Variants in MAG observed in about 807,000 individuals in gnomAD.
MAG encodes the protein myelin-associated glycoprotein.
MAG carries 30 observed loss-of-function variants against 60.7 expected under a neutral mutation model. The observed-to-expected ratio is 0.49, with a 90% CI of 0.37 to 0.67. The LOEUF is 0.67. Among genes scored for constraint, MAG ranks in the 30% least tolerant of loss-of-function variants. The probability of loss-of-function intolerance (pLI) is 0.00; values close to 1 mark genes in which losing one functional copy is unlikely to be tolerated. For missense variants in MAG, 795 were observed against 851.7 expected (o/e 0.93, Z 0.83); for synonymous variants, 384 against 376.8 (o/e 1.02, Z -0.22).
intron 7 of MAG, among the ~76,000 whole-genome samples, chr19:35,308,101 G>A (rs1219812743): frequency 2.0e-5 from 3 of 152,174 alleles, no homozygotes; most frequent in African/African-American, 4.8e-5. Context: ...GGCCCCTTAT[G>A]TAAGTGTGTG....
chr19:35,311,721 T>A (rs2066528440), intron 9 of MAG, among the ~76,000 whole-genome samples, 197 bp from the exon 10 acceptor site: 1 of 152,086 alleles, frequency 6.6e-6, no homozygotes. Context: ...AGGTGGCTCG[T>A]CCCCAGCCGG....
rs142334011 is a variant in MAG, at chr19:35,295,794, G to C, written c.228G>C (p.Ser76=). 2.4e-5 allele frequency: 39 copies of C among 1,613,564 alleles called. No individual in the cohort carries two copies. Among genetic ancestry groups the C allele is most frequent in the Admixed American group, 3.3e-5 (2 of 59,960 alleles). ...ACTACCCCCCGGTGGTCTTCAAGTC[G>C]CGCACCCAAGTAGTCCACGAGAGCT... is the stretch of plus-strand genomic sequence containing the variant. ...PKNYPPVVFK[S]RTQVVHESFQ... Residue 76 remains serine, a synonymous_variant, in exon 4 of 11, where the codon TCG becomes TCC. Transcript: ENST00000392213. The surrounding 1 kb of genome is among the most constrained non-coding windows in gnomAD (Gnocchi z 5.8).
Position 35,299,647 on chromosome 19 carries a change from C to T in MAG, c.509C>T (p.Pro170Leu). The stretch of plus-strand genomic sequence containing the variant: ...CCGGACAACTGCCCAGAGCTGCGCC[C>T]TGAGCTGAGCTGGCTGGGCCACGAG... ...MVPDNCPELRPELSWLGHEGL... is the reference protein window; with the variant it reads ...MVPDNCPELRLELSWLGHEGL... Residue 170 changes from proline to leucine, a missense_variant, in exon 5 of 11, where the codon CCT becomes CTT. By Grantham distance (98) the Pro-to-Leu change is moderately conservative (BLOSUM62 -3). Coordinates refer to ENST00000392213, the MANE Select transcript of MAG (RefSeq NM_002361.4). 6.2e-7 allele frequency: 1 copy of T among 1,609,176 alleles called. No homozygotes were observed. The highest frequency in any genetic ancestry group is 1.7e-5 in the Admixed American group (1 of 59,614).
At chr19:35,297,624 C>G (rs1304847909) in intron 4 of MAG, among the ~76,000 whole-genome samples, 2 of 146,120 alleles carry the variant, frequency 1.4e-5, no homozygotes, top group Non-Finnish European at 3.0e-5. Context: ...ACACACTGCA[C>G]ACACTACCCA....
rs755101115 is a variant in MAG at position 35,295,581 on chromosome 19, C to T, written c.47-32C>T. 1 of 1,593,882 alleles carries T rather than the reference C, an allele frequency of 6.3e-7. No individual in the cohort carries two copies. Among genetic ancestry groups the T allele is most frequent in the Non-Finnish European group, 8.5e-7 (1 of 1,171,040 alleles). On this transcript the variant is annotated intron_variant, in intron 3 of 10. Transcript: ENST00000392213. This position sits in a 1 kb window ranked among gnomAD's most constrained non-coding sequence, Gnocchi z 5.8. Reference sequence around the variant, plus strand: ...GAGGGGGTGATCGGGTAGGACGTGTCCCTGAGCCTCAGCTCTCCTGCTTGC... The same window carrying T: ...GAGGGGGTGATCGGGTAGGACGTGTTCCTGAGCCTCAGCTCTCCTGCTTGC...
intron 7 of MAG, among the ~76,000 whole-genome samples, chr19:35,308,374 CA>C (rs1325767261): frequency 1.3e-5 from 2 of 152,192 alleles, no homozygotes; most frequent in Non-Finnish European, 2.9e-5. Flanking sequence ...AGGACTAAGC[CA>C]GGGGGAGAGA....
At chr19:35,302,770 C>T in intron 7 of MAG, 62 bp downstream of exon 7, 1 of 1,582,400 alleles carries the variant, frequency 6.3e-7, no homozygotes, top group Non-Finnish European at 8.6e-7. Context: ...ACCAGGGTTA[C>T]TGTGGGTGCC....
At chr19:35,292,939 C>T (rs2066368045) in intron 1 of MAG, among the ~76,000 whole-genome samples, 1 of 152,088 alleles carries the variant, frequency 6.6e-6, no homozygotes, top group African/African-American at 2.4e-5. Context: ...GTCCTCATCC[C>T]ATCCTTCCCT....
intron 1 of MAG, among the ~76,000 whole-genome samples, chr19:35,292,664 T>TGCGC (rs1555761831): frequency 5.3e-5 from 8 of 150,594 alleles, no homozygotes; most frequent in African/African-American, 1.7e-4. Context: ...TGTGTGTGTG[T>TGCGC]GCGTGTGCGT....
intron 7 of MAG, among the ~76,000 whole-genome samples, chr19:35,304,445 A>G (rs549824934): frequency 3.3e-5 from 5 of 152,174 alleles, no homozygotes; most frequent in African/African-American, 1.2e-4. Flanking sequence ...CTTTATAGTA[A>G]GAGCAGCAGG....
intron 4 of MAG, 104 bp from the exon 5 acceptor site, chr19:35,299,450 C>A: frequency 1.4e-6 from 1 of 738,516 alleles, no homozygotes; most frequent in South Asian, 2.0e-5. Context: ...TGAGGAGTAC[C>A]ATTGCCAGCA....
At chr19:35,308,204 G>A (rs1210386243) in intron 7 of MAG, among the ~76,000 whole-genome samples, 1 of 152,216 alleles carries the variant, frequency 6.6e-6, no homozygotes, top group Admixed American at 6.5e-5. Context: ...GGTGGTCAGA[G>A]AAGGAGACGC....
intron 7 of MAG, among the ~76,000 whole-genome samples, chr19:35,303,046 C>T (rs113120967): frequency 0.065 from 9,825 of 151,866 alleles, 757 homozygotes; most frequent in African/African-American, 0.19. Flanking sequence ...GCCCCAGCCT[C>T]CTGAGTAGCT....
chr19:35,300,645 A>G (rs1568472646), intron 6 of MAG, among the ~76,000 whole-genome samples: 1 of 152,168 alleles, frequency 6.6e-6, no homozygotes, highest in Non-Finnish European at 1.5e-5. Context: ...CCTCCTAGGG[A>G]AGCCTGTTAA....
At chr19:35,298,288 A>C (rs897462159) in intron 4 of MAG, among the ~76,000 whole-genome samples, 6 of 150,020 alleles carry the variant, frequency 4.0e-5, no homozygotes, top group Non-Finnish European at 5.9e-5. Flanking sequence ...TACAAAAACC[A>C]CACACTGCAC....
chr19:35,294,139 A>G (rs748465078), intron 1 of MAG, 96 bp from the exon 2 acceptor site: 9 of 307,136 alleles, frequency 2.9e-5, no homozygotes, highest in Non-Finnish European at 5.7e-5. Context: ...GCAGCCTGAC[A>G]ACAGGTCACA....
intron 7 of MAG, among the ~76,000 whole-genome samples, chr19:35,303,857 C>T (rs1206198917): frequency 6.6e-6 from 1 of 152,074 alleles, no homozygotes; most frequent in Admixed American, 6.6e-5. Context: ...GTTTTGACTC[C>T]CCTTCCTTAA....
In MAG at chr19:35,312,404, C is replaced by T. The variant is rs113986011; in HGVS notation, c.1716+387C>T. The T allele has an allele frequency of 2.5e-4, 328 of 1,314,194 alleles. 2 individuals are homozygous for T. The African/African-American group carries it at 4.0e-3, about 16-fold the overall frequency. The allele number at this position is 1,314,194 out of a possible 1,614,324, so 81.4% of individuals were successfully genotyped here. A position where few individuals can be genotyped will look rare whatever the true frequency, so the allele number is the denominator to read the frequency against. The stretch of plus-strand genomic sequence containing the variant: ...GGTTGGCGTGCATGTCCGTGTGTCC[C>T]TGTCAGGCGTCAAGGTGGTCTCTGG... On this transcript the variant is annotated intron_variant, in intron 10 of 10. Coordinates refer to ENST00000392213, the MANE Select transcript of MAG (RefSeq NM_002361.4).
At chr19:35,297,184 T>G (rs1283077117) in intron 4 of MAG, among the ~76,000 whole-genome samples, 2 of 68,190 alleles carry the variant, frequency 2.9e-5, no homozygotes, top group African/African-American at 1.2e-4. Flanking sequence ...TTACAAAAAC[T>G]CACCACACAC....
Sources: allele counts gnomAD v4.1 joint callset (sites outside exome capture counted in the v4.1 genomes callset), GRCh38; gene constraint gnomAD v4.1.1; non-coding constraint Gnocchi (gnomAD v3.1); transcripts MANE v1.5; gene names NCBI Gene and HGNC (gene_info 2026-07-23, HGNC 2026-07-21).